The following SREBF2 variants were observed in gnomAD, a reference collection of about 807,000 sequenced individuals.
SREBF2 encodes sterol regulatory element-binding protein 2.
In SREBF2, 55 loss-of-function variants were observed where a neutral mutation model predicts 113.1. The observed-to-expected ratio is 0.49, with a 90% confidence interval of 0.39 to 0.61. SREBF2 has a LOEUF of 0.61. SREBF2 is among the 20% of genes least tolerant of loss of function. The pLI is 0.00. For synonymous variants in SREBF2, 593 were observed against 605.7 expected, an observed-to-expected ratio of 0.98 and a Z score of 0.31; for missense variants, 1,349 against 1,487.4, an observed-to-expected ratio of 0.91 and a Z score of 1.53.
At chr22:41,849,277 T>C (rs1602275625) in intron 1 of SREBF2, among the ~76,000 whole-genome samples, 1 of 152,096 alleles carries the variant, frequency 6.6e-6, no homozygotes, top group Admixed American at 6.6e-5. Flanking sequence ...CTGCAAACTC[T>C]GCCTTCCAGA....
rs754307417 is a variant in SREBF2 at position 41,873,981 on chromosome 22, A to G, written c.1051A>G (p.Ile351Val). 6.2e-7 allele frequency: 1 copy of G among 1,614,132 alleles called. No homozygotes were observed. The highest frequency in any genetic ancestry group is 8.5e-7 in the Non-Finnish European group (1 of 1,180,022). The change falls in exon 5 of 19, where the codon ATC (isoleucine) becomes GTC (valine). Residue 351 changes from isoleucine to valine, a missense_variant. By Grantham distance (29) the Ile-to-Val change is conservative. Around this residue, in one of 2 missense-constraint regions of SREBF2, gnomAD observed 699 missense variants for 843.3 expected, o/e 0.83. Coordinates refer to ENST00000361204, the MANE Select transcript of SREBF2 (RefSeq NM_004599.4). ...TCGCTCCTCCATCAATGACAAAATC[A>G]TCGAATTGAAAGACCTGGTCATGGG... ...RYRSSINDKI[I>V]ELKDLVMGTD...
chr22:41,872,359 G>C (rs1293035225), intron 4 of SREBF2, among the ~76,000 whole-genome samples: 1 of 152,052 alleles, frequency 6.6e-6, no homozygotes, highest in South Asian at 2.1e-4. Flanking sequence ...CTGGAATTCA[G>C]AGCGGTGGTG....
intron 4 of SREBF2, among the ~76,000 whole-genome samples, chr22:41,872,090 A>T (rs544725012): frequency 6.6e-6 from 1 of 151,958 alleles, no homozygotes; most frequent in South Asian, 2.1e-4. Flanking sequence ...CTCTGCTAAA[A>T]ATACAAAAAA....
chr22:41,906,327 G>T lies in SREBF2; in HGVS notation c.*667G>T. The T allele has an allele frequency of 1.0e-5, 2 of 197,960 alleles. No homozygotes were observed. The highest frequency in any genetic ancestry group is 2.1e-5 in the Non-Finnish European group (2 of 95,180). The allele number at this position is 197,960 out of a possible 1,614,324, so 12.3% of individuals were successfully genotyped here. A position where few individuals can be genotyped will look rare whatever the true frequency, so the allele number is the denominator to read the frequency against. On this transcript the variant is annotated 3_prime_UTR_variant, in exon 19 of 19. Coordinates refer to ENST00000361204, the MANE Select transcript of SREBF2 (RefSeq NM_004599.4). ...CCTGCGGATGCATGAAATAATGTTG[G>T]CATTATTTTTTAATTTTTTAAAAAA...
chr22:41,875,261 A>G, intron 5 of SREBF2, 76 bp from the exon 6 acceptor site: 2 of 1,250,554 alleles, frequency 1.6e-6, no homozygotes, highest in Non-Finnish European at 2.3e-6. Flanking sequence ...CTGTCATCCC[A>G]AGTGCTAGGG....
intron 14 of SREBF2, among the ~76,000 whole-genome samples, 189 bp from the exon 15 acceptor site, chr22:41,898,460 A>G (rs932338938): frequency 1.3e-5 from 2 of 152,090 alleles, no homozygotes; most frequent in African/African-American, 4.8e-5. Context: ...ATTGCCAAAC[A>G]CTTTCCAAGA....
intron 1 of SREBF2, among the ~76,000 whole-genome samples, chr22:41,844,311 T>C (rs149461423): frequency 6.6e-6 from 1 of 152,304 alleles, no homozygotes; most frequent in Non-Finnish European, 1.5e-5. Context: ...TGAATGAACT[T>C]CAGTTTGCAC....
At chr22:41,872,721 T>C (rs1038413989) in intron 4 of SREBF2, among the ~76,000 whole-genome samples, 2 of 151,216 alleles carry the variant, frequency 1.3e-5, no homozygotes, top group African/African-American at 4.9e-5. Flanking sequence ...TGAAATCCCA[T>C]CTCTACTAAA....
In SREBF2 at chr22:41,880,915, G is replaced by T. The variant is rs1489586127; in HGVS notation, c.1961G>T (p.Gly654Val). The change falls in exon 10 of 19, where the codon GGC (glycine) becomes GTC (valine). Residue 654 changes from glycine (G) to valine (V), a missense_variant. Coordinates refer to ENST00000361204, the MANE Select transcript of SREBF2 (RefSeq NM_004599.4). ...CRRATPATEA[G>V]FEDEAKTSAR... Reference sequence around the variant, plus strand: ...CGGGCCACGCCAGCCACTGAGGCAGGCTTTGAAGACGAAGCTAAGACCAGC... The same window carrying T: ...CGGGCCACGCCAGCCACTGAGGCAGTCTTTGAAGACGAAGCTAAGACCAGC... 1 of 1,613,536 alleles carries T rather than the reference G, an allele frequency of 6.2e-7. No homozygotes were observed. The highest frequency in any genetic ancestry group is 8.5e-7 in the Non-Finnish European group (1 of 1,180,052).
chr22:41,855,519 C>A (rs2148359880), intron 1 of SREBF2, among the ~76,000 whole-genome samples: 1 of 151,942 alleles, frequency 6.6e-6, no homozygotes, highest in South Asian at 2.1e-4. Flanking sequence ...GAGACTCTGG[C>A]TCAAAAAAAA....
Position 41,905,527 on chromosome 22 carries a change from C to A in SREBF2, c.3293C>A (p.Ser1098Tyr). The change falls in exon 19 of 19, where the codon TCC becomes TAC. Residue 1098 changes from serine (S) to tyrosine (Y), a missense_variant. This residue lies in a region of SREBF2 where 650 missense variants were observed against 644.1 expected (regional missense o/e 1.01). Coordinates refer to ENST00000361204, the MANE Select transcript of SREBF2 (RefSeq NM_004599.4). ...CACCTGCCCCTCTCCTTCCTCTCCT[C>A]CCCGGGCCAGCGGGCAGTGCTGCTG... ...CRHLPLSFLSSPGQRAVLLAE... is the reference protein window; with the variant it reads ...CRHLPLSFLSYPGQRAVLLAE... 1 of 1,586,894 alleles carries A rather than the reference C, an allele frequency of 6.3e-7. No homozygotes were observed. Among genetic ancestry groups the A allele is most frequent in the Non-Finnish European group, 8.6e-7 (1 of 1,167,144 alleles).
At chr22:41,889,564 G>A (rs1229858917) in intron 11 of SREBF2, among the ~76,000 whole-genome samples, 1 of 152,070 alleles carries the variant, frequency 6.6e-6, no homozygotes, top group Non-Finnish European at 1.5e-5. Flanking sequence ...ACACACCTGT[G>A]GTCCCAGCTC....
chr22:41,860,097 G>T (rs184998527), intron 1 of SREBF2, among the ~76,000 whole-genome samples: 1 of 152,008 alleles, frequency 6.6e-6, no homozygotes, highest in Non-Finnish European at 1.5e-5. Context: ...GAGCCACCGC[G>T]CCAGGCCGAC....
intron 1 of SREBF2, among the ~76,000 whole-genome samples, chr22:41,847,730 A>G (rs1026994649): frequency 6.6e-6 from 1 of 152,236 alleles, no homozygotes; most frequent in Non-Finnish European, 1.5e-5. Context: ...TGATAATGGC[A>G]TCTACCTCAA....
chr22:41,856,087 A>G (rs1324051554), intron 1 of SREBF2, among the ~76,000 whole-genome samples: 1 of 151,730 alleles, frequency 6.6e-6, no homozygotes, highest in Non-Finnish European at 1.5e-5. Context: ...AGAGGCATAT[A>G]ACGTTTTTTT....
At chr22:41,895,734 C>A (rs1186702058) in intron 13 of SREBF2, among the ~76,000 whole-genome samples, 2 of 152,156 alleles carry the variant, frequency 1.3e-5, no homozygotes, top group African/African-American at 4.8e-5. Flanking sequence ...CCACGCCTGG[C>A]AGGTGCACCC....
At chr22:41,851,691 C>T (rs12170228) in intron 1 of SREBF2, among the ~76,000 whole-genome samples, 52,013 of 151,610 alleles carry the variant, frequency 0.34, 9,998 homozygotes, top group Non-Finnish European at 0.44. Flanking sequence ...GAGAGGGTTT[C>T]ACCCTGTTGG....
At chr22:41,855,272 C>T (rs1362103624) in intron 1 of SREBF2, among the ~76,000 whole-genome samples, 2 of 152,128 alleles carry the variant, frequency 1.3e-5, no homozygotes, top group African/African-American at 4.8e-5. Flanking sequence ...CCTGTAATCT[C>T]AGGACTTTGG....
intron 3 of SREBF2, among the ~76,000 whole-genome samples, chr22:41,870,658 AC>A (rs1206061838): frequency 6.9e-6 from 1 of 145,734 alleles, no homozygotes; most frequent in Non-Finnish European, 1.5e-5. Flanking sequence ...AAAAGCCAGG[AC>A]CCTCATTAGC....
Sources: gnomAD v4.1 joint callset for allele counts (sites outside exome capture counted in the v4.1 genomes callset) on GRCh38, gnomAD v4.1.1 for gene constraint, gnomAD v4.1.1 regional missense constraint, MANE v1.5 for transcripts, NCBI Gene and HGNC (gene_info 2026-07-23, HGNC 2026-07-21) for gene names.